UBE3B: variants seen among roughly 807,000 people sequenced by gnomAD.
UBE3B encodes ubiquitin-protein ligase E3B.
In UBE3B, 80 loss-of-function variants were observed where a neutral mutation model predicts 132.3. That is an observed-to-expected ratio of 0.60 (90% CI 0.50 to 0.73). The LOEUF is 0.73. UBE3B is among the 30% of genes least tolerant of loss of function. The probability of loss-of-function intolerance (pLI) is 0.00; values close to 1 mark genes in which losing one functional copy is unlikely to be tolerated. For missense variants in UBE3B, 1,196 were observed against 1,362.5 expected (o/e 0.88, Z 1.92); for synonymous variants, 487 against 520.4 (o/e 0.94, Z 0.87).
At chr12:109,486,439 G>T (rs774460468) in intron 5 of UBE3B, 32 bp from the exon 6 acceptor site, 1 of 1,529,398 alleles carries the variant, frequency 6.5e-7, no homozygotes, top group Non-Finnish European at 9.0e-7. Flanking sequence ...CTCTATAACA[G>T]CCCATGACAT....
chr12:109,488,689 A>G, intron 7 of UBE3B, 21 bp downstream of exon 7: 1 of 1,606,072 alleles, frequency 6.2e-7, no homozygotes. Context: ...CTTGCTTCAA[A>G]ATGTTCTCTA....
intron 14 of UBE3B, among the ~76,000 whole-genome samples, chr12:109,505,871 A>G (rs1879596097): frequency 6.6e-6 from 1 of 152,246 alleles, no homozygotes; most frequent in African/African-American, 2.4e-5. Flanking sequence ...TAAATAATTC[A>G]GAGAGTGCCC....
chr12:109,486,167 C>A, intron 5 of UBE3B, 96 bp downstream of exon 5: 1 of 1,281,940 alleles, frequency 7.8e-7, no homozygotes, highest in Non-Finnish European at 1.1e-6. Context: ...CCAATTCACA[C>A]ACAAATGCAA....
intron 1 of UBE3B, among the ~76,000 whole-genome samples, chr12:109,478,921 C>T (rs769627108): frequency 9.9e-5 from 15 of 152,206 alleles, no homozygotes; most frequent in Non-Finnish European, 1.9e-4. Context: ...TTTCCTACTG[C>T]ACAGGGACAA....
intron 24 of UBE3B, among the ~76,000 whole-genome samples, chr12:109,527,163 G>C (rs1043234561): frequency 4.6e-5 from 7 of 152,220 alleles, no homozygotes; most frequent in Non-Finnish European, 4.4e-5. Context: ...GCCACAGACG[G>C]AGGTCCTTAG....
rs1166804031 is a variant in UBE3B, at chr12:109,536,286, C to G, written c.*1504C>G. On this transcript the variant is annotated 3_prime_UTR_variant, in exon 28 of 28. Coordinates refer to ENST00000342494, the MANE Select transcript of UBE3B (RefSeq NM_130466.4). Reference sequence around the variant, plus strand: ...TGATTCTGTGGACTTGCCACTTTCTCCAAACGCTCGGTTCCTTTGAAGATT... The same window carrying G: ...TGATTCTGTGGACTTGCCACTTTCTGCAAACGCTCGGTTCCTTTGAAGATT... The G allele has an allele frequency of 6.6e-6, 1 of 152,248 alleles. No individual in the cohort carries two copies. The highest frequency in any genetic ancestry group is 2.4e-5 in the African/African-American group (1 of 41,458). The allele number at this position is 152,248 out of a possible 1,614,324, so 9.4% of individuals were successfully genotyped here. A position where few individuals can be genotyped will look rare whatever the true frequency, so the allele number is the denominator to read the frequency against.
At chr12:109,493,367 C>T (rs903553590) in intron 9 of UBE3B, among the ~76,000 whole-genome samples, 2 of 152,204 alleles carry the variant, frequency 1.3e-5, no homozygotes, top group East Asian at 1.9e-4. Flanking sequence ...GCTCTAGGAG[C>T]ACCTCACCTT....
intron 23 of UBE3B, among the ~76,000 whole-genome samples, chr12:109,524,954 C>T (rs1014624250): frequency 4.6e-5 from 7 of 152,014 alleles, no homozygotes; most frequent in Admixed American, 1.3e-4. Flanking sequence ...TCTCCTCCCA[C>T]GGTTCCTTCT....
chr12:109,534,112 G>T lies in UBE3B; in HGVS notation c.3016-479G>T. On this transcript the variant is annotated intron_variant, in intron 27 of 27. Coordinates refer to ENST00000342494, the MANE Select transcript of UBE3B (RefSeq NM_130466.4). This position sits in a 1 kb window ranked among gnomAD's most constrained non-coding sequence, Gnocchi z 5.2. The stretch of plus-strand genomic sequence containing the variant: ...CCAGTGGCCGCCTCTGGGTGTAGCT[G>T]CCTCTCATGATGCAGTTTGAGCCCG... 2 of 1,295,540 alleles carry T rather than the reference G, an allele frequency of 1.5e-6. No homozygotes were observed. Among genetic ancestry groups the T allele is most frequent in the Non-Finnish European group, 2.0e-6 (2 of 993,782 alleles). The allele number at this position is 1,295,540 out of a possible 1,614,324, so 80.3% of individuals were successfully genotyped here.
In UBE3B at chr12:109,533,353, A is replaced by G. The variant is rs1284887737; in HGVS notation, c.2923-113A>G. On this transcript the variant is annotated intron_variant, in intron 26 of 27. Coordinates refer to ENST00000342494, the MANE Select transcript of UBE3B (RefSeq NM_130466.4). ...CGCCACTCCATACGGCTGGCTAGAC[A>G]GCAGTTACAACACGGTAACAGACAG... 7 of 989,138 alleles carry G rather than the reference A, an allele frequency of 7.1e-6. No homozygotes were observed. The Admixed American group carries it at 1.2e-4, about 17-fold the overall frequency. 61.3% of individuals were successfully genotyped at this position (989,138 alleles called of 1,614,324 possible). A position where few individuals can be genotyped will look rare whatever the true frequency, so the allele number is the denominator to read the frequency against.
rs748892701 is a variant in UBE3B, at chr12:109,534,603, A to T, written c.3028A>T (p.Thr1010Ser). The change falls in exon 28 of 28, where the codon ACT becomes TCT. Residue 1010 changes from threonine to serine, a missense_variant. Physicochemically the swap from Thr to Ser is moderately conservative, Grantham distance 58. Coordinates refer to ENST00000342494, the MANE Select transcript of UBE3B (RefSeq NM_130466.4). The surrounding 1 kb of genome is among the most constrained non-coding windows in gnomAD (Gnocchi z 5.2). ...EVSDDQDTGD[T>S]LGSVLRGFFT... ...TGTGTGCCTTCAGGACACCGGGGAC[A>T]CTCTGGGCAGCGTCCTCCGGGGCTT... is the stretch of plus-strand genomic sequence containing the variant. 3.1e-6 allele frequency: 5 copies of T among 1,610,102 alleles called. No individual in the cohort carries two copies. The East Asian group carries it at 1.1e-4, about 36-fold the overall frequency.
chr12:109,487,123 A>G (rs370955440), intron 6 of UBE3B, among the ~76,000 whole-genome samples: 10 of 152,038 alleles, frequency 6.6e-5, no homozygotes, highest in Admixed American at 2.0e-4. Context: ...CTCTGTCTTG[A>G]CTAAAGGGAG....
Position 109,524,078 on chromosome 12 carries a change from T to C in UBE3B, c.2465T>C (p.Leu822Pro). Reference sequence around the variant, plus strand: ...AGCTCGGTGGATGAACTGCCTTCTCTGGACTCCGAGTTCTATAAAAACCTC... The same window carrying C: ...AGCTCGGTGGATGAACTGCCTTCTCCGGACTCCGAGTTCTATAAAAACCTC... ...FYSSVDELPS[L>P]DSEFYKNLTS... The change falls in exon 22 of 28, where the codon CTG (leucine) becomes CCG (proline). Residue 822 changes from leucine to proline, a missense_variant. By Grantham distance (98) the Leu-to-Pro change is moderately conservative. Transcript: ENST00000342494. The C allele has an allele frequency of 1.2e-6, 2 of 1,614,220 alleles. No homozygotes were observed. Among genetic ancestry groups the C allele is most frequent in the Non-Finnish European group, 1.7e-6 (2 of 1,180,038 alleles).
chr12:109,502,836 G>A (rs1039432271), intron 13 of UBE3B, among the ~76,000 whole-genome samples, 187 bp from the exon 14 acceptor site: 3 of 152,202 alleles, frequency 2.0e-5, no homozygotes, highest in Non-Finnish European at 4.4e-5. Context: ...TCTTTGGGTT[G>A]TACCTAAAAA....
chr12:109,517,172 C>G (rs552189154), intron 19 of UBE3B, among the ~76,000 whole-genome samples: 65 of 152,284 alleles, frequency 4.3e-4, no homozygotes, highest in African/African-American at 1.4e-3. Context: ...GAAATGAGGA[C>G]AGGAGCTGCC....
intron 7 of UBE3B, among the ~76,000 whole-genome samples, chr12:109,489,060 TGTC>T (rs1184594386): frequency 5.9e-5 from 9 of 152,354 alleles, no homozygotes; most frequent in Admixed American, 3.3e-4. Flanking sequence ...CCCTGGTAAG[TGTC>T]GTTAGTGCCG....
intron 11 of UBE3B, among the ~76,000 whole-genome samples, chr12:109,498,786 T>G (rs957329861): frequency 6.6e-6 from 1 of 152,166 alleles, no homozygotes; most frequent in Non-Finnish European, 1.5e-5. Flanking sequence ...AGGCACAGAA[T>G]TCTCCTTGCC....
chr12:109,480,598 C>A (rs1242428808), intron 1 of UBE3B, among the ~76,000 whole-genome samples: 1 of 151,762 alleles, frequency 6.6e-6, no homozygotes, highest in Non-Finnish European at 1.5e-5. Context: ...CTGCAATGAA[C>A]CATGATTGCA....
Position 109,507,613 on chromosome 12 carries a change from T to C in UBE3B, c.1500T>C (p.Cys500=). Residue 500 remains cysteine, a synonymous_variant, in exon 15 of 28, where the codon TGT becomes TGC. Coordinates refer to ENST00000342494, the MANE Select transcript of UBE3B (RefSeq NM_130466.4). ...TTCCCAAACTGTGGGCATTTATCTG[T>C]GAGCTCGGGCCCCACGGAGGGTTAA... ...DLLPKLWAFI[C]ELGPHGGLKL... 1 of 1,614,230 alleles carries C rather than the reference T, an allele frequency of 6.2e-7. No individual in the cohort carries two copies. Among genetic ancestry groups the C allele is most frequent in the South Asian group, 1.1e-5 (1 of 91,082 alleles).
Sources: allele counts gnomAD v4.1 joint callset (sites outside exome capture counted in the v4.1 genomes callset), GRCh38; gene constraint gnomAD v4.1.1; non-coding constraint Gnocchi (gnomAD v3.1); transcripts MANE v1.5; gene names NCBI Gene and HGNC (gene_info 2026-07-23, HGNC 2026-07-21).